The following NNMT variants were observed in gnomAD, a reference collection of about 807,000 sequenced individuals.
NNMT encodes the protein nicotinamide N-methyltransferase.
A neutral mutation model predicts 11.7 loss-of-function variants in NNMT; 10 were observed. The ratio of observed to expected loss-of-function variants is 0.85; its 90% CI spans 0.53 to 1.45. NNMT has a LOEUF of 1.45. Ranked by LOEUF, NNMT falls within the 40% of genes most tolerant of loss-of-function variation. NNMT has a pLI of 0.00. For missense variants in NNMT, 381 were observed against 319.4 expected (o/e 1.19, Z -1.47); for synonymous variants, 143 against 133.8 (o/e 1.07, Z -0.48).
At chr11:114,268,264 T>G in intron 2 of NNMT, among the ~76,000 whole-genome samples, 1 of 152,338 alleles carries the variant, frequency 6.6e-6, no homozygotes, top group Non-Finnish European at 1.5e-5. Context: ...TGAAGGGAAC[T>G]TCACAGATGA....
intron 2 of NNMT, among the ~76,000 whole-genome samples, chr11:114,269,128 C>CA (rs1342212955): frequency 5.3e-5 from 8 of 152,154 alleles, no homozygotes; most frequent in African/African-American, 1.9e-4. Context: ...GTGCTAGAGC[C>CA]AGATTTTGAA....
At chr11:114,260,077 C>A (rs1398393242) in intron 1 of NNMT, among the ~76,000 whole-genome samples, 1 of 152,202 alleles carries the variant, frequency 6.6e-6, no homozygotes, top group Non-Finnish European at 1.5e-5. Flanking sequence ...ATACAACACA[C>A]AACAGCTCAC....
At chr11:114,308,121 A>G (rs554741638) in intron 2 of NNMT, among the ~76,000 whole-genome samples, 2 of 152,274 alleles carry the variant, frequency 1.3e-5, no homozygotes, top group Non-Finnish European at 2.9e-5. Context: ...TGGAAAATAC[A>G]TGAATACTCA....
In NNMT at chr11:114,284,410, A is replaced by G. The variant is rs187997530; in HGVS notation, c.-129-12018A>G. Among the ~76,000 whole-genome samples the G allele has an allele frequency of 8.5e-5, 13 of 152,316 alleles. No homozygotes were observed. In the East Asian group the frequency reaches 2.5e-3, roughly 29 times the overall value. On this transcript the variant is annotated intron_variant, in intron 2 of 4. Coordinates refer to the NNMT transcript ENST00000535401. ...AGGCTCAGGAATTGCTTTCCTTTCC[A>G]AGTAGTCCTCAACCACCTTCACCCC...
intron 2 of NNMT, among the ~76,000 whole-genome samples, chr11:114,283,260 T>C (rs1945274824): frequency 6.6e-6 from 1 of 152,158 alleles, no homozygotes; most frequent in African/African-American, 2.4e-5. Context: ...TTGGAAACAA[T>C]CTGGGTATCT....
At chr11:114,259,156 G>A (rs1945053992) in intron 1 of NNMT, among the ~76,000 whole-genome samples, 1 of 152,170 alleles carries the variant, frequency 6.6e-6, no homozygotes, top group Non-Finnish European at 1.5e-5. Context: ...GCACATGATA[G>A]GCACCCGGTA....
In NNMT at chr11:114,296,650, T is replaced by A. The variant is rs1471015517; in HGVS notation, c.94T>A (p.Ser32Thr). The change falls in exon 1 of 3, where the codon TCT becomes ACT. Residue 32 changes from serine to threonine, a missense_variant. Physicochemically the swap from Ser to Thr is moderately conservative, Grantham distance 58. Transcript: ENST00000299964. ...ATATTACAAGTTTGGTTCTAGGCAC[T>A]CTGCAGAAAGCCAGATTCTTAAGCA... ...EKYYKFGSRH[S>T]AESQILKHLL... is the part of the protein sequence containing the mutation. 1.2e-6 allele frequency: 2 copies of A among 1,614,122 alleles called. No individual in the cohort carries two copies. Among genetic ancestry groups the A allele is most frequent in the African/African-American group, 2.7e-5 (2 of 74,942 alleles).
upstream of NNMT, among the ~76,000 whole-genome samples, chr11:114,295,442 T>TTTTTTA (rs1945366621): frequency 1.4e-5 from 2 of 143,348 alleles, no homozygotes; most frequent in African/African-American, 5.5e-5. Context: ...TTTTTTTTTT[T>TTTTTTA]GAGACAGAGT....
intron 2 of NNMT, among the ~76,000 whole-genome samples, chr11:114,277,005 C>A (rs11214924): frequency 0.19 from 28,538 of 152,084 alleles, 2,859 homozygotes; most frequent in East Asian, 0.33. Context: ...GGGTGGATCA[C>A]CTGAGATCAA....
intron 2 of NNMT, among the ~76,000 whole-genome samples, chr11:114,308,969 T>C (rs774257471): frequency 2.0e-5 from 3 of 152,184 alleles, no homozygotes; most frequent in Non-Finnish European, 4.4e-5. Flanking sequence ...ATCATCTGAC[T>C]GGTAAGTTCT....
chr11:114,271,616 G>A (rs576462141), intron 2 of NNMT, among the ~76,000 whole-genome samples: 120 of 152,180 alleles, frequency 7.9e-4, no homozygotes, highest in Non-Finnish European at 1.2e-3. Context: ...GCAACTCCTC[G>A]TTTCTCATCA....
chr11:114,287,672 G>T (rs1945308626), intron 2 of NNMT, among the ~76,000 whole-genome samples: 1 of 152,136 alleles, frequency 6.6e-6, no homozygotes, highest in Non-Finnish European at 1.5e-5. Flanking sequence ...ATATCTGGTA[G>T]AGCAAGTCCT....
At chr11:114,267,665 TTC>T (rs1945132169) in intron 2 of NNMT, among the ~76,000 whole-genome samples, 1 of 152,232 alleles carries the variant, frequency 6.6e-6, no homozygotes, top group Non-Finnish European at 1.5e-5. Flanking sequence ...TCACCTATTC[TTC>T]TGTCTTTTGT....
chr11:114,296,773 C>T (rs1402446301), intron 1 of NNMT, 63 bp downstream of exon 1: 14 of 1,533,508 alleles, frequency 9.1e-6, no homozygotes, highest in South Asian at 8.1e-5. Context: ...TCTCAGGGCA[C>T]GACTGGGTTT....
chr11:114,262,187 T>C (rs1945088742), intron 1 of NNMT, among the ~76,000 whole-genome samples: 1 of 152,108 alleles, frequency 6.6e-6, no homozygotes, highest in South Asian at 2.1e-4. Context: ...TTTTTAAATT[T>C]TATTTTTATT....
intron 2 of NNMT, among the ~76,000 whole-genome samples, chr11:114,303,547 C>CAA (rs2135277762): frequency 1.3e-5 from 2 of 152,268 alleles, no homozygotes; most frequent in African/African-American, 4.8e-5. Flanking sequence ...GTTCATCTGT[C>CAA]AACTGAATAG....
intron 1 of NNMT, among the ~76,000 whole-genome samples, chr11:114,262,594 GAA>G: frequency 1.3e-5 from 2 of 152,258 alleles, no homozygotes; most frequent in Middle Eastern, 6.8e-3. Flanking sequence ...GATTTGACTG[GAA>G]GTGATCTTAG....
intron 2 of NNMT, among the ~76,000 whole-genome samples, chr11:114,272,251 C>G (rs896036762): frequency 5.3e-5 from 8 of 152,134 alleles, no homozygotes; most frequent in Admixed American, 4.6e-4. Context: ...TACTTCAAAT[C>G]CAGCCGGAAT....
rs201584756 is a variant in NNMT at position 114,269,287 on chromosome 11, GAA to G, written c.-130+6356_-130+6357del. Among the ~76,000 whole-genome samples the G allele has an allele frequency of 8.0e-3, 1,217 of 152,266 alleles. 23 individuals are homozygous for G. Among genetic ancestry groups the G allele is most frequent in the African/African-American group, 0.027 (1,114 of 41,550 alleles). On this transcript the variant is annotated intron_variant, in intron 2 of 4. Coordinates refer to the NNMT transcript ENST00000535401. ...CATTTAACTTCTGTTCTCCTTGCCA[GAA>G]AAGTCTCAACCTTACCTTAATCCAT...
Sources: gnomAD v4.1 joint callset for allele counts (sites outside exome capture counted in the v4.1 genomes callset) on GRCh38, gnomAD v4.1.1 for gene constraint, MANE v1.5 for transcripts, NCBI Gene and HGNC (gene_info 2026-07-23, HGNC 2026-07-21) for gene names.